Variants in COBL observed in about 807,000 individuals in gnomAD.
COBL encodes the protein cordon-bleu WH2 repeat protein.
A neutral mutation model predicts 98.8 loss-of-function variants in COBL; 51 were observed. The observed-to-expected ratio is 0.52, with a 90% CI of 0.41 to 0.65. COBL has a LOEUF of 0.65. Ranked by LOEUF, COBL falls within the 30% of genes least tolerant of loss-of-function variation. The probability of loss-of-function intolerance (pLI) is 0.00; values close to 1 mark genes in which losing one functional copy is unlikely to be tolerated. For synonymous variants in COBL, 634 were observed against 651.7 expected (o/e 0.97, Z 0.41); for missense variants, 1,617 against 1,617.5 (o/e 1.00, Z 0.01).
At chr7:51,152,448 C>T (rs1187288542) in intron 5 of COBL, among the ~76,000 whole-genome samples, 1 of 152,204 alleles carries the variant, frequency 6.6e-6, no homozygotes, top group East Asian at 1.9e-4. Flanking sequence ...CTGCCGACTC[C>T]CACATTTACA....
chr7:51,088,657 C>A (rs919506064), intron 6 of COBL, among the ~76,000 whole-genome samples: 3 of 152,208 alleles, frequency 2.0e-5, no homozygotes, highest in African/African-American at 7.2e-5. Context: ...TCCTCAAATT[C>A]ATGACTGATT....
intron 6 of COBL, among the ~76,000 whole-genome samples, chr7:51,134,156 C>T (rs1455196590): frequency 2.0e-5 from 3 of 152,116 alleles, no homozygotes; most frequent in African/African-American, 4.8e-5. Flanking sequence ...CCAACAACGA[C>T]GACAATACAT....
In COBL at chr7:51,027,972, G is replaced by C. The variant is rs370348190; in HGVS notation, c.3124C>G (p.Arg1042Gly). Residue 1042 changes from arginine to glycine, a missense_variant, in exon 10 of 13, where the codon CGC becomes GGC. This residue lies in a region of COBL where 1,304 missense variants were observed against 1,282.0 expected (regional missense o/e 1.02). Transcript: ENST00000265136. ...CSRELVNGSV[R>G]APGHGEPSHP... The stretch of plus-strand genomic sequence containing the variant: ...GAAGGCTCGCCGTGGCCTGGGGCGC[G>C]CACAGAGCCATTGACCAGCTCCCTG... 6 of 1,606,424 alleles carry C rather than the reference G, an allele frequency of 3.7e-6. No individual in the cohort carries two copies. The African/African-American group carries it at 6.7e-5, about 18-fold the overall frequency.
chr7:51,036,308 G>A (rs527675032), intron 8 of COBL, among the ~76,000 whole-genome samples: 1 of 125,730 alleles, frequency 8.0e-6, no homozygotes, highest in African/African-American at 3.1e-5. Flanking sequence ...CTGCACTACA[G>A]CCTGGGTGAC....
chr7:51,197,057 C>G (rs1216196790), intron 2 of COBL, among the ~76,000 whole-genome samples: 3 of 150,978 alleles, frequency 2.0e-5, no homozygotes, highest in African/African-American at 7.3e-5. Context: ...TATTTCTTGT[C>G]TTCTGCTAGC....
intron 1 of COBL, among the ~76,000 whole-genome samples, chr7:51,225,612 T>C (rs1794106278): frequency 6.6e-6 from 1 of 152,216 alleles, no homozygotes; most frequent in Non-Finnish European, 1.5e-5. Context: ...GAACTGTTTA[T>C]AAAATGAAAA....
chr7:51,181,308 T>G (rs578216354), intron 5 of COBL, among the ~76,000 whole-genome samples: 104 of 152,352 alleles, frequency 6.8e-4, no homozygotes, highest in South Asian at 6.4e-3. Flanking sequence ...AGCATTGAAA[T>G]GCAGTGGTGG....
At chr7:51,059,129 C>A (rs913569624) in intron 7 of COBL, among the ~76,000 whole-genome samples, 1 of 152,206 alleles carries the variant, frequency 6.6e-6, no homozygotes, top group Non-Finnish European at 1.5e-5. Flanking sequence ...CCACCTGTGA[C>A]CCTGAACTGG....
intron 5 of COBL, among the ~76,000 whole-genome samples, chr7:51,149,563 G>C (rs1251418458): frequency 6.6e-6 from 1 of 152,174 alleles, no homozygotes; most frequent in Non-Finnish European, 1.5e-5. Flanking sequence ...ATTTAACCCA[G>C]TTCCAAATTT....
At chr7:51,115,773 A>AT (rs1797220320) in intron 6 of COBL, among the ~76,000 whole-genome samples, 2 of 151,502 alleles carry the variant, frequency 1.3e-5, no homozygotes, top group Admixed American at 6.6e-5. Context: ...CTCTTCACTC[A>AT]TTTTTTTTGT....
At chr7:51,085,338 G>A (rs1562890339) in intron 6 of COBL, 34 bp from the exon 7 acceptor site, 1 of 497,488 alleles carries the variant, frequency 2.0e-6, no homozygotes, top group African/African-American at 6.2e-5. Context: ...TACAATCAAA[G>A]TACTTTGTAC....
At chr7:51,287,610 G>A (rs187666597) in intron 1 of COBL, among the ~76,000 whole-genome samples, 71 of 152,278 alleles carry the variant, frequency 4.7e-4, no homozygotes, top group Non-Finnish European at 9.3e-4. Flanking sequence ...ATATAGTTAT[G>A]ACCCAGCACT....
chr7:51,213,980 C>G (rs555407021), intron 2 of COBL, among the ~76,000 whole-genome samples: 153 of 152,168 alleles, frequency 1.0e-3, no homozygotes, highest in African/African-American at 3.6e-3. Flanking sequence ...AAAGACAATG[C>G]TGGCTGTGGG....
At chr7:51,187,241 A>G (rs1789612900) in intron 4 of COBL, among the ~76,000 whole-genome samples, 1 of 151,478 alleles carries the variant, frequency 6.6e-6, no homozygotes, top group African/African-American at 2.4e-5. Context: ...GAAGCGGGGG[A>G]CCAGGTCAAC....
intron 7 of COBL, among the ~76,000 whole-genome samples, chr7:51,079,537 T>G (rs1031200952): frequency 6.6e-6 from 1 of 152,188 alleles, no homozygotes; most frequent in Non-Finnish European, 1.5e-5. Flanking sequence ...CTTAAACTAG[T>G]AGAGGAGGCA....
rs200979702 is a variant in COBL at position 51,190,952 on chromosome 7, C to G, written c.583G>C (p.Val195Leu). ...GCAATGTTGTCCCTGAGGAGAACCA[C>G]GTGCTCTGGGCTGACCTCACACTTT... ...CAKCEVSPEH[V>L]VLLRDNIAGE... The change falls in exon 4 of 13, where the codon GTG becomes CTG. Residue 195 changes from valine (V) to leucine (L), a missense_variant. Physicochemically the swap from Val to Leu is conservative, Grantham distance 32 (BLOSUM62 1). Transcript: ENST00000265136. The G allele has an allele frequency of 3.7e-6, 6 of 1,614,028 alleles. No homozygotes were observed. The highest frequency in any genetic ancestry group is 5.1e-6 in the Non-Finnish European group (6 of 1,180,030).
At position 51,222,241 on chromosome 7, in the gene COBL, T is replaced by C. The variant is rs1365733320; in HGVS notation, c.42-2297A>G. The stretch of plus-strand genomic sequence containing the variant: ...AACATTCAGATCTCATCCTCTGCTA[T>C]AAGTAGGTATAAATTCTCTTTTTCT... On this transcript the variant is annotated intron_variant, in intron 1 of 12. Coordinates refer to ENST00000265136, the MANE Select transcript of COBL (RefSeq NM_015198.5). 5.3e-5 allele frequency among the ~76,000 whole-genome samples: 8 copies of C among 152,018 alleles called. No homozygotes were observed. The East Asian group carries it at 1.5e-3, about 29-fold the overall frequency.
chr7:51,197,143 T>C (rs1176142945), intron 2 of COBL, among the ~76,000 whole-genome samples: 1 of 151,950 alleles, frequency 6.6e-6, no homozygotes, highest in Non-Finnish European at 1.5e-5. Flanking sequence ...ATCTAACTTT[T>C]TGATGTAGGC....
chr7:51,188,387 G>A lies in COBL; in HGVS notation c.685+2463C>T, dbSNP rs767338388. On this transcript the variant is annotated intron_variant, in intron 4 of 12. Coordinates refer to ENST00000265136, the MANE Select transcript of COBL (RefSeq NM_015198.5). ...AGCAGGCCTGCCCAGGGCGGTTGTA[G>A]GGGAGAAAGGGAGCCTCGGAGATGG... Among the ~76,000 whole-genome samples the A allele has an allele frequency of 2.6e-5, 4 of 152,250 alleles. No individual in the cohort carries two copies. In the South Asian group the frequency reaches 6.2e-4, roughly 24 times the overall value.
Sources: allele counts gnomAD v4.1 joint callset (sites outside exome capture counted in the v4.1 genomes callset), GRCh38; gene constraint gnomAD v4.1.1; regional missense constraint gnomAD v4.1.1; transcripts MANE v1.5; gene names NCBI Gene and HGNC (gene_info 2026-07-23, HGNC 2026-07-21).